The following IL1RAP variants were observed in gnomAD, a reference collection of about 807,000 sequenced individuals.
IL1RAP encodes interleukin 1 receptor accessory protein.
IL1RAP carries 35 observed loss-of-function variants against 60.7 expected under a neutral mutation model. That is an observed-to-expected ratio of 0.58 (90% CI 0.44 to 0.76). The LOEUF is 0.76. Ranked by LOEUF, IL1RAP falls within the 30% of genes least tolerant of loss-of-function variation. The pLI is 0.00. For synonymous variants in IL1RAP, 268 were observed against 250.9 expected (o/e 1.07, Z -0.64); for missense variants, 572 against 693.9 (o/e 0.82, Z 1.97).
intron 3 of IL1RAP, among the ~76,000 whole-genome samples, chr3:190,601,574 CT>C (rs2108746372): frequency 6.6e-6 from 1 of 152,334 alleles, no homozygotes; most frequent in South Asian, 2.1e-4. Context: ...GCTTCAGATT[CT>C]TCACTTTTAT....
chr3:190,609,957 G>A (rs1196125950), intron 5 of IL1RAP, among the ~76,000 whole-genome samples: 2 of 152,148 alleles, frequency 1.3e-5, no homozygotes, highest in Non-Finnish European at 2.9e-5. Flanking sequence ...ATGAGCCAAC[G>A]TGAGACCAGG....
rs569365392 is a variant in IL1RAP, at chr3:190,534,472, C to G, written c.-89+20253C>G. 2.3e-4 allele frequency among the ~76,000 whole-genome samples: 35 copies of G among 152,248 alleles called. No individual in the cohort carries two copies. The South Asian group carries it at 7.1e-3, about 31-fold the overall frequency. On this transcript the variant is annotated intron_variant, in intron 1 of 11. Coordinates refer to ENST00000447382, the MANE Select transcript of IL1RAP (RefSeq NM_002182.4). Reference sequence around the variant, plus strand: ...ATAGCTGTAGGGACTCCTTAGAGATCCGATCCAGTGCTGCCTATAGGACCT... The same window carrying G: ...ATAGCTGTAGGGACTCCTTAGAGATGCGATCCAGTGCTGCCTATAGGACCT...
intron 3 of IL1RAP, among the ~76,000 whole-genome samples, chr3:190,585,138 A>T (rs962739945): frequency 3.9e-5 from 6 of 152,222 alleles, no homozygotes; most frequent in African/African-American, 1.4e-4. Flanking sequence ...GTGGATGATT[A>T]CATCCTACAA....
chr3:190,537,318 G>A (rs1723550528), intron 1 of IL1RAP, among the ~76,000 whole-genome samples: 1 of 152,096 alleles, frequency 6.6e-6, no homozygotes, highest in Non-Finnish European at 1.5e-5. Flanking sequence ...AGTCCTCTCT[G>A]TTTCTTGCCA....
At chr3:190,625,409 G>A (rs1192401605) in intron 7 of IL1RAP, among the ~76,000 whole-genome samples, 3 of 152,064 alleles carry the variant, frequency 2.0e-5, no homozygotes, top group African/African-American at 4.8e-5. Flanking sequence ...GCATCAGGGC[G>A]GGCAGCAAAG....
chr3:190,570,443 A>C (rs1018800218), intron 3 of IL1RAP, among the ~76,000 whole-genome samples: 1 of 152,214 alleles, frequency 6.6e-6, no homozygotes, highest in Non-Finnish European at 1.5e-5. Context: ...TGGTATAGCT[A>C]TACATTACTG....
chr3:190,587,525 G>A (rs2108698479), intron 3 of IL1RAP, among the ~76,000 whole-genome samples: 1 of 152,294 alleles, frequency 6.6e-6, no homozygotes, highest in Admixed American at 6.5e-5. Context: ...CTGACCCTAT[G>A]TCTTTGTTCT....
At chr3:190,540,133 T>C (rs1010294037) in intron 1 of IL1RAP, among the ~76,000 whole-genome samples, 3 of 152,064 alleles carry the variant, frequency 2.0e-5, no homozygotes, top group Non-Finnish European at 1.5e-5. Context: ...TTTAGAGAGA[T>C]CTAGGACATC....
intron 1 of IL1RAP, among the ~76,000 whole-genome samples, chr3:190,543,889 G>A (rs749702988): frequency 6.6e-6 from 1 of 152,196 alleles, no homozygotes; most frequent in African/African-American, 2.4e-5. Flanking sequence ...TTTGTCATCA[G>A]TCGGCCTTTA....
chr3:190,566,106 G>T (rs1395935266), intron 3 of IL1RAP, among the ~76,000 whole-genome samples: 3 of 150,552 alleles, frequency 2.0e-5, no homozygotes, highest in Admixed American at 1.3e-4. Flanking sequence ...CCCTCCCTCT[G>T]TCTTGGATTT....
chr3:190,550,929 G>A (rs1166638468), intron 1 of IL1RAP, among the ~76,000 whole-genome samples: 2 of 152,184 alleles, frequency 1.3e-5, no homozygotes. Flanking sequence ...TATTTGGCCT[G>A]ATTATTTGCA....
intron 1 of IL1RAP, among the ~76,000 whole-genome samples, chr3:190,527,416 T>C (rs1287195819): frequency 6.6e-6 from 1 of 152,198 alleles, no homozygotes; most frequent in Non-Finnish European, 1.5e-5. Flanking sequence ...GGTGATAAAA[T>C]CAAATATTTC....
chr3:190,645,667 A>G (rs1402717261), intron 10 of IL1RAP, 32 bp from the exon 11 acceptor site: 5 of 1,546,718 alleles, frequency 3.2e-6, no homozygotes, highest in Non-Finnish European at 4.4e-6. Context: ...AAACTTTCCT[A>G]ATTTACATTG....
chr3:190,546,149 G>A (rs1309154188), intron 1 of IL1RAP, among the ~76,000 whole-genome samples: 2 of 152,124 alleles, frequency 1.3e-5, no homozygotes, highest in Non-Finnish European at 2.9e-5. Context: ...TCTCAGCCCA[G>A]GGTTTTAAGG....
At chr3:190,592,517 C>T (rs1385364217) in intron 3 of IL1RAP, among the ~76,000 whole-genome samples, 2 of 152,232 alleles carry the variant, frequency 1.3e-5, no homozygotes, top group Admixed American at 6.5e-5. Flanking sequence ...AGACCTTCAG[C>T]AGCTTCGTTA....
intron 8 of IL1RAP, among the ~76,000 whole-genome samples, chr3:190,628,174 G>T (rs1483185679): frequency 6.6e-6 from 1 of 152,108 alleles, no homozygotes; most frequent in Non-Finnish European, 1.5e-5. Flanking sequence ...AAGACAGAAG[G>T]TTCCACTGCA....
intron 1 of IL1RAP, among the ~76,000 whole-genome samples, chr3:190,537,355 T>C (rs777494992): frequency 8.5e-5 from 13 of 152,146 alleles, no homozygotes; most frequent in Non-Finnish European, 1.5e-4. Context: ...ATCTATTCCT[T>C]TACATGCAGG....
chr3:190,601,090 G>A (rs999662853), intron 3 of IL1RAP, among the ~76,000 whole-genome samples: 1 of 152,066 alleles, frequency 6.6e-6, no homozygotes, highest in Non-Finnish European at 1.5e-5. Context: ...GTTCAAGCAA[G>A]TCTCCTGCCT....
chr3:190,654,190 T>TCACACACACACACACACACACA (rs57074064), downstream of IL1RAP, among the ~76,000 whole-genome samples: 3 of 140,512 alleles, frequency 2.1e-5, no homozygotes, highest in African/African-American at 8.0e-5. Flanking sequence ...AAACATCATA[T>TCACACACACACACACACACACA]CACACACACA....
Sources: allele counts gnomAD v4.1 joint callset (sites outside exome capture counted in the v4.1 genomes callset), GRCh38; gene constraint gnomAD v4.1.1; transcripts MANE v1.5; gene names NCBI Gene and HGNC (gene_info 2026-07-23, HGNC 2026-07-21).